Variants in SRGAP3 observed in about 807,000 individuals in gnomAD.
SRGAP3 encodes SLIT-ROBO Rho GTPase-activating protein 3.
SRGAP3 carries 39 observed loss-of-function variants against 121.1 expected under a neutral mutation model. The ratio of observed to expected loss-of-function variants is 0.32; its 90% CI spans 0.25 to 0.42. The LOEUF (loss-of-function observed/expected upper bound fraction) is 0.42, where lower values mean the gene tolerates loss of function less well. SRGAP3 is among the 10% of genes least tolerant of loss of function. The pLI, the probability that SRGAP3 is intolerant of heterozygous loss-of-function variation, is 1.00. For synonymous variants in SRGAP3, 601 were observed against 570.0 expected, an observed-to-expected ratio of 1.05 and a Z score of -0.77; for missense variants, 1,213 against 1,470.6, an observed-to-expected ratio of 0.82 and a Z score of 2.86.
In SRGAP3 at chr3:8,985,799, G is replaced by A. The variant is rs1165356930; in HGVS notation, c.3020C>T (p.Ser1007Leu). ...GGTGTGAAGGGGACTGGCGGGCTCC[G>A]AGCTGACGGGGCCTGGCGGGTTCTT... ...PLKNPPGPVS[S>L]EPASPLHTIV... Residue 1007 changes from serine (S) to leucine (L), a missense_variant, in exon 22 of 22, where the codon TCG (serine) becomes TTG (leucine). Physicochemically the swap from Ser to Leu is moderately radical, Grantham distance 145. Around this residue, in one of 2 missense-constraint regions of SRGAP3, gnomAD observed 420 missense variants for 437.7 expected, o/e 0.96. Transcript: ENST00000383836. This position sits in a 1 kb window ranked among gnomAD's most constrained non-coding sequence, Gnocchi z 5.1. The A allele has an allele frequency of 1.9e-6, 3 of 1,600,298 alleles. No homozygotes were observed. Among genetic ancestry groups the A allele is most frequent in the Admixed American group, 1.7e-5 (1 of 60,000 alleles).
At chr3:9,189,945 C>T (rs1574839645) in intron 1 of SRGAP3, among the ~76,000 whole-genome samples, 1 of 152,320 alleles carries the variant, frequency 6.6e-6, no homozygotes, top group East Asian at 1.9e-4. Context: ...TTTCTAAATG[C>T]TTACTATGTG....
intron 3 of SRGAP3, among the ~76,000 whole-genome samples, chr3:9,310,995 C>A (rs940118738): frequency 1.3e-5 from 2 of 151,884 alleles, no homozygotes; most frequent in African/African-American, 2.4e-5. Context: ...CATAGTGAAA[C>A]CCCATCTCTA....
chr3:9,038,814 C>T (rs921417542), intron 10 of SRGAP3, among the ~76,000 whole-genome samples: 1 of 152,200 alleles, frequency 6.6e-6, no homozygotes, highest in African/African-American at 2.4e-5. Flanking sequence ...AGGTATCTCC[C>T]CTCTCGCTAG....
At chr3:9,160,524 C>G (rs1262523120) in intron 1 of SRGAP3, among the ~76,000 whole-genome samples, 1 of 152,206 alleles carries the variant, frequency 6.6e-6, no homozygotes, top group Non-Finnish European at 1.5e-5. Context: ...GCTGATCCTC[C>G]AGTCCCAGTT....
At chr3:9,049,777 CT>C (rs34472476) in intron 9 of SRGAP3, among the ~76,000 whole-genome samples, 51 of 142,622 alleles carry the variant, frequency 3.6e-4, no homozygotes, top group Admixed American at 4.1e-4. Flanking sequence ...TGAGAACCTA[CT>C]TTTTTTTTTT....
At chr3:9,340,794 G>A (rs955417321) in intron 1 of SRGAP3, among the ~76,000 whole-genome samples, 1 of 152,162 alleles carries the variant, frequency 6.6e-6, no homozygotes, top group Non-Finnish European at 1.5e-5. Flanking sequence ...CCTGTATGAC[G>A]GACTGGGAGT....
chr3:9,269,762 C>G (rs1020643478), intron 3 of SRGAP3, among the ~76,000 whole-genome samples: 1 of 152,204 alleles, frequency 6.6e-6, no homozygotes, highest in African/African-American at 2.4e-5. Context: ...TTAAATACCA[C>G]ACCAGTTTTT....
At chr3:9,201,948 C>T (rs919651086) in intron 1 of SRGAP3, among the ~76,000 whole-genome samples, 7 of 152,068 alleles carry the variant, frequency 4.6e-5, no homozygotes, top group East Asian at 1.9e-4. Flanking sequence ...TTGCATTTTA[C>T]GAATGGCAAG....
At chr3:8,996,328 C>T (rs576815393) in intron 18 of SRGAP3, among the ~76,000 whole-genome samples, 1 of 152,296 alleles carries the variant, frequency 6.6e-6, no homozygotes, top group East Asian at 1.9e-4. Flanking sequence ...TGTTCACTCC[C>T]CATCACTCCC....
chr3:9,299,658 C>T (rs1049529972), intron 3 of SRGAP3, among the ~76,000 whole-genome samples: 1 of 151,918 alleles, frequency 6.6e-6, no homozygotes, highest in Non-Finnish European at 1.5e-5. Context: ...GCCTGTAATC[C>T]CAGCACTTTG....
chr3:9,288,456 A>T (rs1269266995), intron 3 of SRGAP3, among the ~76,000 whole-genome samples: 3 of 151,670 alleles, frequency 2.0e-5, no homozygotes, highest in Non-Finnish European at 4.4e-5. Context: ...TCTATCTTCC[A>T]GAGCTCTAGA....
intron 1 of SRGAP3, among the ~76,000 whole-genome samples, chr3:9,347,736 T>C (rs1180767558): frequency 6.6e-6 from 1 of 152,246 alleles, no homozygotes; most frequent in East Asian, 1.9e-4. Context: ...TAGGAAGTCA[T>C]GCTTTTAAAA....
chr3:9,236,206 G>C (rs1042128760), intron 1 of SRGAP3: 3 of 177,270 alleles, frequency 1.7e-5, no homozygotes, highest in Non-Finnish European at 3.6e-5. Context: ...ACCACCTGGA[G>C]AGCTTCTATT....
chr3:9,081,084 T>C (rs181444000), intron 3 of SRGAP3, among the ~76,000 whole-genome samples: 253 of 152,306 alleles, frequency 1.7e-3, no homozygotes, highest in Non-Finnish European at 3.0e-3. Context: ...AGAAGATGTT[T>C]CCTGAAGGCT....
chr3:9,099,876 A>G (rs766589665), intron 3 of SRGAP3, among the ~76,000 whole-genome samples: 2 of 152,210 alleles, frequency 1.3e-5, no homozygotes, highest in Non-Finnish European at 2.9e-5. Flanking sequence ...AAATACTCAA[A>G]TGCACAAAGG....
intron 1 of SRGAP3, among the ~76,000 whole-genome samples, chr3:9,346,646 T>TTTAC (rs1197491399): frequency 6.6e-6 from 1 of 152,122 alleles, no homozygotes; most frequent in Non-Finnish European, 1.5e-5. Flanking sequence ...GTTTCCTAGA[T>TTTAC]TTACTACATT....
intron 1 of SRGAP3, among the ~76,000 whole-genome samples, chr3:9,202,235 G>A (rs934886826): frequency 3.3e-5 from 5 of 152,254 alleles, no homozygotes; most frequent in East Asian, 3.9e-4. Context: ...AAATTAGCTC[G>A]CCCTTGAGGC....
At chr3:9,248,298 G>A (rs1365532130) in intron 1 of SRGAP3, among the ~76,000 whole-genome samples, 2 of 152,298 alleles carry the variant, frequency 1.3e-5, no homozygotes, top group South Asian at 4.1e-4. Context: ...GCCTGCATTA[G>A]TCTGGATCAA....
At chr3:9,131,685 A>G (rs1006248668) in intron 1 of SRGAP3, among the ~76,000 whole-genome samples, 1 of 151,346 alleles carries the variant, frequency 6.6e-6, no homozygotes, top group Non-Finnish European at 1.5e-5. Context: ...CAAGTAATCC[A>G]CCCGCCTCGG....
Sources: gnomAD v4.1 joint callset for allele counts (sites outside exome capture counted in the v4.1 genomes callset) on GRCh38, gnomAD v4.1.1 for gene constraint, gnomAD v4.1.1 regional missense constraint, Gnocchi (gnomAD v3.1) non-coding constraint, MANE v1.5 for transcripts, NCBI Gene and HGNC (gene_info 2026-07-23, HGNC 2026-07-21) for gene names.